Variants in GATAD2B observed in about 807,000 individuals in gnomAD.
The protein encoded by GATAD2B is transcriptional repressor p66-beta.
In GATAD2B, 8 loss-of-function variants were observed where a neutral mutation model predicts 64.3. The ratio of observed to expected loss-of-function variants is 0.12; its 90% CI spans 0.07 to 0.22. The LOEUF (loss-of-function observed/expected upper bound fraction) is 0.22, where lower values mean the gene tolerates loss of function less well. GATAD2B is among the 10% of genes least tolerant of loss of function. The pLI is 1.00. For synonymous variants in GATAD2B, 281 were observed against 271.3 expected, an observed-to-expected ratio of 1.04 and a Z score of -0.35; for missense variants, 453 against 752.0, an observed-to-expected ratio of 0.60 and a Z score of 4.65.
At chr1:153,868,406 T>C (rs1280488352) in intron 1 of GATAD2B, among the ~76,000 whole-genome samples, 1 of 151,224 alleles carries the variant, frequency 6.6e-6, no homozygotes, top group Non-Finnish European at 1.5e-5. Flanking sequence ...TGGATTCTCA[T>C]AGCTGCCTCT....
intron 1 of GATAD2B, among the ~76,000 whole-genome samples, chr1:153,867,749 A>G (rs924161568): frequency 1.3e-5 from 2 of 151,642 alleles, no homozygotes; most frequent in Non-Finnish European, 2.9e-5. Context: ...AATCTTAACT[A>G]CTCAGGAGGC....
intron 1 of GATAD2B, among the ~76,000 whole-genome samples, chr1:153,898,053 T>C (rs1677653320): frequency 6.7e-6 from 1 of 148,478 alleles, no homozygotes; most frequent in African/African-American, 2.5e-5. Flanking sequence ...CCTATAATTC[T>C]AGCACTCTGG....
rs555048061 is a variant in GATAD2B at position 153,856,585 on chromosome 1, A to G, written c.-1-28237T>C. ...AAACTTTAAGATTAAAAAAATTAAA[A>G]CAAATAAGCTGAACACAATGGATTC... On this transcript the variant is annotated intron_variant, in intron 1 of 10. Transcript: ENST00000368655. 2.6e-5 allele frequency among the ~76,000 whole-genome samples: 4 copies of G among 152,290 alleles called. No homozygotes were observed. In the South Asian group the frequency reaches 8.3e-4, roughly 32 times the overall value.
At chr1:153,917,887 G>C (rs1183742296) in intron 1 of GATAD2B, among the ~76,000 whole-genome samples, 1 of 152,226 alleles carries the variant, frequency 6.6e-6, no homozygotes. Flanking sequence ...ATAAGCATGA[G>C]GGATGGGAAC....
intron 1 of GATAD2B, among the ~76,000 whole-genome samples, chr1:153,890,255 C>T (rs1677333899): frequency 6.6e-6 from 1 of 151,434 alleles, no homozygotes; most frequent in East Asian, 1.9e-4. Context: ...TATGGGAGGC[C>T]GAGGCGAGTG....
chr1:153,812,056 T>G lies in GATAD2B; in HGVS notation c.1496A>C (p.Gln499Pro). The change falls in exon 9 of 11, where the codon CAA (glutamine) becomes CCA (proline). Residue 499 changes from glutamine to proline, a missense_variant. Transcript: ENST00000368655. Reference sequence around the variant, plus strand: ...CGTATGATGTCTCATGATGGTCTCTTGTTTACTGACACTGGACACAGCTGG... The same window carrying G: ...CGTATGATGTCTCATGATGGTCTCTGGTTTACTGACACTGGACACAGCTGG... ...TAPAVSSVSKQETIMRHHTLR... is the reference protein window; with the variant it reads ...TAPAVSSVSKPETIMRHHTLR... 6.2e-7 allele frequency: 1 copy of G among 1,612,264 alleles called. No homozygotes were observed. The highest frequency in any genetic ancestry group is 1.3e-5 in the African/African-American group (1 of 74,996).
rs113661660 is a variant in GATAD2B, at chr1:153,840,345, A to AT, written c.-1-11998dup. The stretch of plus-strand genomic sequence containing the variant: ...CCACTGCGCCCTGCTGAAAATACTT[A>AT]TTTTTTTTTTAGGTGGAGTTTTGCT... On this transcript the variant is annotated intron_variant, in intron 1 of 10. Transcript: ENST00000368655. 2.8e-3 allele frequency among the ~76,000 whole-genome samples: 365 copies of AT among 132,444 alleles called. 1 individual carries two copies. The highest frequency in any genetic ancestry group is 0.01 in the African/African-American group (343 of 33,816). 86.9% of individuals were successfully genotyped at this position (132,444 alleles called of 152,430 possible). A position where few individuals can be genotyped will look rare whatever the true frequency, so the allele number is the denominator to read the frequency against.
intron 1 of GATAD2B, among the ~76,000 whole-genome samples, chr1:153,830,162 A>T (rs529459683): frequency 6.6e-6 from 1 of 152,198 alleles, no homozygotes; most frequent in East Asian, 1.9e-4. Flanking sequence ...TTATGTATTT[A>T]TTTGAGATGG....
chr1:153,817,861 G>T (rs926001749), intron 5 of GATAD2B, among the ~76,000 whole-genome samples, 179 bp downstream of exon 5: 5 of 152,156 alleles, frequency 3.3e-5, no homozygotes, highest in African/African-American at 9.7e-5. Flanking sequence ...GTGGAAACAT[G>T]AAAGTTACTC....
intron 1 of GATAD2B, among the ~76,000 whole-genome samples, chr1:153,912,574 A>C (rs1455201835): frequency 1.3e-5 from 2 of 152,220 alleles, no homozygotes; most frequent in African/African-American, 2.4e-5. Context: ...TGTCCACGGC[A>C]GTAGCAATAC....
chr1:153,822,622 G>C (rs1674723017), intron 2 of GATAD2B, among the ~76,000 whole-genome samples: 1 of 152,014 alleles, frequency 6.6e-6, no homozygotes, highest in South Asian at 2.1e-4. Context: ...TGATTCTCCT[G>C]CCTCCTGAGT....
intron 1 of GATAD2B, chr1:153,890,587 A>G (rs1677352475): frequency 6.6e-6 from 1 of 152,064 alleles, no homozygotes; most frequent in Non-Finnish European, 1.5e-5. Context: ...AACCTAAGAC[A>G]GAAAGCTGGT....
At chr1:153,899,142 C>T (rs963403544) in intron 1 of GATAD2B, among the ~76,000 whole-genome samples, 3 of 152,100 alleles carry the variant, frequency 2.0e-5, no homozygotes, top group African/African-American at 7.2e-5. Flanking sequence ...GTAATTCCAG[C>T]TACTTGGGGA....
intron 2 of GATAD2B, among the ~76,000 whole-genome samples, chr1:153,820,407 A>C (rs1392355321): frequency 2.0e-5 from 3 of 152,320 alleles, no homozygotes; most frequent in African/African-American, 7.2e-5. Context: ...GGTTAGCCTT[A>C]AAAGCATCAT....
intron 1 of GATAD2B, among the ~76,000 whole-genome samples, chr1:153,872,964 A>G (rs1035746767): frequency 2.6e-5 from 4 of 151,506 alleles, no homozygotes; most frequent in African/African-American, 9.8e-5. Context: ...GAACATTCTT[A>G]AATGAAACTT....
rs1244960654 is a variant in GATAD2B at position 153,805,501 on chromosome 1, T to A, written c.*4676A>T. 1 of 152,220 alleles carries A rather than the reference T, an allele frequency of 6.6e-6. No individual in the cohort carries two copies. The highest frequency in any genetic ancestry group is 2.4e-5 in the African/African-American group (1 of 41,448). 9.4% of individuals were successfully genotyped at this position (152,220 alleles called of 1,614,324 possible). Reference sequence around the variant, plus strand: ...AAAGGCAAAGATGTCACTGGTCTGATGCCCTGGACATGACTCTGCTGCCTC... The same window carrying A: ...AAAGGCAAAGATGTCACTGGTCTGAAGCCCTGGACATGACTCTGCTGCCTC... On this transcript the variant is annotated 3_prime_UTR_variant, in exon 11 of 11. Coordinates refer to ENST00000368655, the MANE Select transcript of GATAD2B (RefSeq NM_020699.4).
chr1:153,839,010 G>A (rs1253017033), intron 1 of GATAD2B, among the ~76,000 whole-genome samples: 2 of 150,558 alleles, frequency 1.3e-5, no homozygotes, highest in African/African-American at 4.9e-5. Context: ...TCAGGTGGCT[G>A]AGGCATGAGA....
intron 1 of GATAD2B, among the ~76,000 whole-genome samples, chr1:153,862,221 C>T (rs962596562): frequency 6.9e-6 from 1 of 145,708 alleles, no homozygotes; most frequent in Non-Finnish European, 1.5e-5. Context: ...CTCCCAGGTT[C>T]AAGCAATTCT....
At chr1:153,842,564 T>C (rs1469359067) in intron 1 of GATAD2B, among the ~76,000 whole-genome samples, 1 of 152,232 alleles carries the variant, frequency 6.6e-6, no homozygotes, top group African/African-American at 2.4e-5. Context: ...GCATAGTTTG[T>C]ATATTTTTAG....
Sources: allele counts gnomAD v4.1 joint callset (sites outside exome capture counted in the v4.1 genomes callset), GRCh38; gene constraint gnomAD v4.1.1; transcripts MANE v1.5; gene names NCBI Gene and HGNC (gene_info 2026-07-23, HGNC 2026-07-21).